C10orf90: variants seen among roughly 807,000 people sequenced by gnomAD.
C10orf90 encodes chromosome 10 open reading frame 90.
A neutral mutation model predicts 62.5 loss-of-function variants in C10orf90; 56 were observed. That is an observed-to-expected ratio of 0.90 (90% CI 0.72 to 1.12). The LOEUF (loss-of-function observed/expected upper bound fraction) is 1.12, where lower values mean the gene tolerates loss of function less well. Ranked by LOEUF, C10orf90 falls within the 50% of genes most tolerant of loss-of-function variation. The pLI is 0.00. For missense variants in C10orf90, 970 were observed against 880.4 expected, an observed-to-expected ratio of 1.10 and a Z score of -1.29; for synonymous variants, 386 against 340.4, an observed-to-expected ratio of 1.13 and a Z score of -1.47.
intron 2 of C10orf90, among the ~76,000 whole-genome samples, chr10:126,525,614 G>A (rs1863916726): frequency 6.6e-6 from 1 of 152,168 alleles, no homozygotes; most frequent in Admixed American, 6.5e-5. Flanking sequence ...GCCACACGCT[G>A]CACATCGGGG....
chr10:126,648,135 T>A (rs190571559), intron 1 of C10orf90, among the ~76,000 whole-genome samples: 1 of 152,132 alleles, frequency 6.6e-6, no homozygotes, highest in Non-Finnish European at 1.5e-5. Context: ...AGGAGTGGGC[T>A]TGCTCGCTTC....
chr10:126,616,828 G>T (rs564640074), intron 2 of C10orf90, among the ~76,000 whole-genome samples: 2 of 152,182 alleles, frequency 1.3e-5, no homozygotes, highest in African/African-American at 2.4e-5. Context: ...CAGGCAGGAA[G>T]AAAAATAACA....
chr10:126,503,242 A>G (rs1862504369), intron 4 of C10orf90, among the ~76,000 whole-genome samples: 1 of 152,216 alleles, frequency 6.6e-6, no homozygotes, highest in Admixed American at 6.5e-5. Flanking sequence ...AGAAAGGTGC[A>G]GAGTCCTCAG....
chr10:126,443,126 T>C (rs957117759), intron 7 of C10orf90, among the ~76,000 whole-genome samples: 1 of 150,972 alleles, frequency 6.6e-6, no homozygotes, highest in African/African-American at 2.4e-5. Flanking sequence ...CAAGAACAAA[T>C]CAAACCCCAA....
intron 4 of C10orf90, among the ~76,000 whole-genome samples, chr10:126,475,476 C>T (rs967800619): frequency 3.9e-5 from 6 of 152,184 alleles, no homozygotes; most frequent in African/African-American, 1.4e-4. Flanking sequence ...ATCGACTCAC[C>T]ACAGCCTCCT....
chr10:126,606,143 G>T (rs551433706), intron 2 of C10orf90, among the ~76,000 whole-genome samples: 1 of 152,134 alleles, frequency 6.6e-6, no homozygotes, highest in Non-Finnish European at 1.5e-5. Context: ...CATTCTCAAG[G>T]GCTCTGCCCA....
At chr10:126,436,624 G>T (rs1193411962) in intron 7 of C10orf90, among the ~76,000 whole-genome samples, 1 of 152,058 alleles carries the variant, frequency 6.6e-6, no homozygotes, top group Non-Finnish European at 1.5e-5. Flanking sequence ...GCTAAGATTT[G>T]GTTCCTCTGC....
chr10:126,518,228 C>A (rs1357888159), intron 2 of C10orf90, among the ~76,000 whole-genome samples: 1 of 152,124 alleles, frequency 6.6e-6, no homozygotes, highest in Non-Finnish European at 1.5e-5. Context: ...ACGATGGGGG[C>A]ACTTGTTGGA....
At chr10:126,565,028 T>TTATATATAATATATATTATATAA (rs1554917117) in intron 2 of C10orf90, among the ~76,000 whole-genome samples, 1 of 9,082 alleles carries the variant, frequency 1.1e-4, no homozygotes, top group Non-Finnish European at 2.1e-4. Context: ...ATATTATATA[T>TTATATATAATATATATTATATAA]TATATAAAAT....
At chr10:126,445,000 C>T (rs767530159) in intron 7 of C10orf90, among the ~76,000 whole-genome samples, 2 of 152,204 alleles carry the variant, frequency 1.3e-5, no homozygotes, top group Admixed American at 1.3e-4. Context: ...CATCTCTCAC[C>T]TTAGACAAAA....
At chr10:126,617,097 G>A (rs1258368151) in intron 2 of C10orf90, among the ~76,000 whole-genome samples, 1 of 152,160 alleles carries the variant, frequency 6.6e-6, no homozygotes. Flanking sequence ...ATAACACAAA[G>A]AGAAGCAGAG....
At chr10:126,644,623 A>AC (rs1199275803) in intron 2 of C10orf90, among the ~76,000 whole-genome samples, 1 of 152,206 alleles carries the variant, frequency 6.6e-6, no homozygotes, top group Admixed American at 6.5e-5. Context: ...TGCAGCCTGC[A>AC]CCGTTAACCT....
At chr10:126,572,978 T>C (rs542825911) in intron 2 of C10orf90, among the ~76,000 whole-genome samples, 72 of 152,254 alleles carry the variant, frequency 4.7e-4, no homozygotes, top group Admixed American at 2.3e-3. Flanking sequence ...AGCCATTCTT[T>C]ATTCCTTTAC....
intron 2 of C10orf90, chr10:126,523,671 A>G (rs1228942299): frequency 1.3e-5 from 2 of 152,116 alleles, no homozygotes; most frequent in Non-Finnish European, 2.9e-5. Context: ...ACCATCATCC[A>G]TCTCTAGAAC....
At chr10:126,659,474 A>C (rs1357970470) in intron 1 of C10orf90, among the ~76,000 whole-genome samples, 1 of 152,144 alleles carries the variant, frequency 6.6e-6, no homozygotes, top group African/African-American at 2.4e-5. Context: ...CGTGTTGTTT[A>C]CTTTGAGAAA....
rs555481598 is a variant in C10orf90, at chr10:126,480,489, C to T, written c.1535-15503G>A. Among the ~76,000 whole-genome samples, 4 of 152,342 alleles carry T rather than the reference C, an allele frequency of 2.6e-5. No homozygotes were observed. The South Asian group carries it at 8.3e-4, about 32-fold the overall frequency. On this transcript the variant is annotated intron_variant, in intron 4 of 9. Coordinates refer to ENST00000488181, the MANE Select transcript of C10orf90 (RefSeq NM_001350921.2). ...ACAGGCATGTTTAAACACGGCTATA[C>T]CTCCATGTACCATTTGGCCCAGAGC...
chr10:126,651,976 G>T (rs1026478325), intron 1 of C10orf90, among the ~76,000 whole-genome samples: 2 of 152,286 alleles, frequency 1.3e-5, no homozygotes, highest in African/African-American at 4.8e-5. Flanking sequence ...ACTGATGATT[G>T]GTTGGTGAGC....
chr10:126,535,924 A>G (rs1273693446), intron 2 of C10orf90, among the ~76,000 whole-genome samples: 2 of 152,218 alleles, frequency 1.3e-5, no homozygotes, highest in Non-Finnish European at 2.9e-5. Flanking sequence ...ATCTGACGTC[A>G]GTGCAGAGAG....
intron 2 of C10orf90, among the ~76,000 whole-genome samples, chr10:126,527,042 G>T (rs1171677698): frequency 6.6e-6 from 1 of 152,150 alleles, no homozygotes; most frequent in African/African-American, 2.4e-5. Context: ...ACAAGTTTTT[G>T]AGTGATATAT....
Sources: allele counts gnomAD v4.1 joint callset (sites outside exome capture counted in the v4.1 genomes callset), GRCh38; gene constraint gnomAD v4.1.1; transcripts MANE v1.5; gene names NCBI Gene and HGNC (gene_info 2026-07-23, HGNC 2026-07-21).